The following BRIP1 variants were observed in gnomAD, a reference collection of about 807,000 sequenced individuals.
The protein encoded by BRIP1 is Fanconi anemia group J protein.
A neutral mutation model predicts 119.7 loss-of-function variants in BRIP1; 88 were observed. That is an observed-to-expected ratio of 0.74 (90% CI 0.62 to 0.88). The LOEUF (loss-of-function observed/expected upper bound fraction) is 0.88. BRIP1 is among the 40% of genes least tolerant of loss of function. The pLI is 0.00. For synonymous variants in BRIP1, 443 were observed against 496.5 expected, an observed-to-expected ratio of 0.89 and a Z score of 1.43; for missense variants, 1,259 against 1,455.4, an observed-to-expected ratio of 0.87 and a Z score of 2.20.
At position 61,845,577 on chromosome 17, in the gene BRIP1, A is replaced by G. The variant is rs377408636; in HGVS notation, c.627+1524T>C. Reference sequence around the variant, plus strand: ...TATATACAAATTTTTTAAAATTCTGATTTTCACTTGAAAGCTCAAATTTTA... The same window carrying G: ...TATATACAAATTTTTTAAAATTCTGGTTTTCACTTGAAAGCTCAAATTTTA... On this transcript the variant is annotated intron_variant, in intron 6 of 19. Transcript: ENST00000259008. The surrounding 1 kb of genome is among the most constrained non-coding windows in gnomAD (Gnocchi z 4.2). Among the ~76,000 whole-genome samples the G allele has an allele frequency of 2.0e-5, 3 of 152,156 alleles. No individual in the cohort carries two copies. The East Asian group carries it at 5.8e-4, about 29-fold the overall frequency.
intron 6 of BRIP1, among the ~76,000 whole-genome samples, chr17:61,833,630 C>G (rs1326840232): frequency 6.7e-6 from 1 of 149,754 alleles, no homozygotes; most frequent in East Asian, 2.0e-4. Flanking sequence ...AAAACTGCAC[C>G]ACTGCACTCC....
chr17:61,817,489 T>C (rs1044564130), intron 6 of BRIP1, among the ~76,000 whole-genome samples: 2 of 152,178 alleles, frequency 1.3e-5, no homozygotes, highest in African/African-American at 4.8e-5. Context: ...ACAAAACATA[T>C]GACATAGAGA....
rs1402710731 is a variant in BRIP1 at position 61,738,915 on chromosome 17, TC to T, written c.2379+4097del. The T allele has an allele frequency of 2.0e-5, 3 of 152,664 alleles. No homozygotes were observed. Among genetic ancestry groups the T allele is most frequent in the African/African-American group, 7.2e-5 (3 of 41,484 alleles). The allele number at this position is 152,664 out of a possible 1,614,324, so 9.5% of individuals were successfully genotyped here. ...GTAATCAGAATTATAATCTTGATGA[TC>T]CTTTCAGGCCTTGTTACTTTGTACG... On this transcript the variant is annotated intron_variant, in intron 16 of 19. Coordinates refer to ENST00000259008, the MANE Select transcript of BRIP1 (RefSeq NM_032043.3). The surrounding 1 kb of genome is among the most constrained non-coding windows in gnomAD (Gnocchi z 4.2).
rs777653224 is a variant in BRIP1 at position 61,801,381 on chromosome 17, C to T, written c.1012G>A (p.Glu338Lys). 6.8e-6 allele frequency: 11 copies of T among 1,613,964 alleles called. No homozygotes were observed. Among genetic ancestry groups the T allele is most frequent in the Non-Finnish European group, 9.3e-6 (11 of 1,179,896 alleles). ...FQGMCKAWDI[E>K]ELVSLGKKLK... Reference sequence around the variant, plus strand: ...TTCTTCCCCAGGCTGACAAGTTCTTCTATATCCCAGGCTTTGCACATCCCT... The same window carrying T: ...TTCTTCCCCAGGCTGACAAGTTCTTTTATATCCCAGGCTTTGCACATCCCT... The change falls in exon 8 of 20, where the codon GAA becomes AAA. Residue 338 changes from glutamate (E) to lysine (K), a missense_variant. Physicochemically the swap from Glu to Lys is moderately conservative, Grantham distance 56. Around this residue, in one of 3 missense-constraint regions of BRIP1, gnomAD observed 501 missense variants for 544.0 expected, o/e 0.92. Coordinates refer to ENST00000259008, the MANE Select transcript of BRIP1 (RefSeq NM_032043.3).
intron 3 of BRIP1, among the ~76,000 whole-genome samples, chr17:61,858,751 A>T (rs1304720337): frequency 1.3e-5 from 2 of 152,232 alleles, no homozygotes; most frequent in African/African-American, 4.8e-5. Flanking sequence ...ATACATACAT[A>T]CACATACCAT....
chr17:61,729,547 AAAG>A lies in BRIP1; in HGVS notation c.2379+13463_2379+13465del, dbSNP rs1328918714. 6.6e-6 allele frequency among the ~76,000 whole-genome samples: 1 copy of A among 152,152 alleles called. No individual in the cohort carries two copies. Among genetic ancestry groups the A allele is most frequent in the Non-Finnish European group, 1.5e-5 (1 of 68,024 alleles). ...GAGGTAAATACCAGATAAAATAGCT[AAAG>A]AAGTGAAAGTCACTGCCTGTCAGAA... On this transcript the variant is annotated intron_variant, in intron 16 of 19. Coordinates refer to ENST00000259008, the MANE Select transcript of BRIP1 (RefSeq NM_032043.3). This position sits in a 1 kb window ranked among gnomAD's most constrained non-coding sequence, Gnocchi z 5.6.
chr17:61,694,545 G>A (rs953741154), intron 17 of BRIP1, among the ~76,000 whole-genome samples: 6 of 151,964 alleles, frequency 3.9e-5, no homozygotes, highest in Non-Finnish European at 7.4e-5. Context: ...ACCTAGAAGT[G>A]GAATTGGGGA....
intron 14 of BRIP1, among the ~76,000 whole-genome samples, chr17:61,765,404 TA>T (rs1567798892): frequency 1.9e-3 from 31 of 16,288 alleles, no homozygotes; most frequent in Non-Finnish European, 2.6e-3. Context: ...TATATATATA[TA>T]TATATATATA....
chr17:61,772,547 A>G (rs1252981998), intron 14 of BRIP1, among the ~76,000 whole-genome samples: 1 of 152,080 alleles, frequency 6.6e-6, no homozygotes, highest in African/African-American at 2.4e-5. Flanking sequence ...GGCCGAACGC[A>G]GTGGCTCACG....
At chr17:61,819,781 A>G (rs565510229) in intron 6 of BRIP1, among the ~76,000 whole-genome samples, 1 of 152,316 alleles carries the variant, frequency 6.6e-6, no homozygotes, top group South Asian at 2.1e-4. Context: ...GGAACAAAAA[A>G]GTAGTTAGAA....
In BRIP1 at chr17:61,816,808, G is replaced by A. The variant is rs552030124; in HGVS notation, c.628-8051C>T. Among the ~76,000 whole-genome samples the A allele has an allele frequency of 7.0e-4, 106 of 152,164 alleles. No individual in the cohort carries two copies. Among genetic ancestry groups the A allele is most frequent in the African/African-American group, 2.0e-3 (81 of 41,516 alleles). ...AAAATGGGGAAGTGGGCGGGTAGGC[G>A]GAAAATATCTTCTTTAAATAAGAAT... On this transcript the variant is annotated intron_variant, in intron 6 of 19. Coordinates refer to ENST00000259008, the MANE Select transcript of BRIP1 (RefSeq NM_032043.3). The surrounding 1 kb of genome is among the most constrained non-coding windows in gnomAD (Gnocchi z 5.0).
At chr17:61,855,153 G>C (rs916416883) in intron 4 of BRIP1, among the ~76,000 whole-genome samples, 4 of 151,946 alleles carry the variant, frequency 2.6e-5, no homozygotes, top group African/African-American at 9.7e-5. Flanking sequence ...AAAAGTCCAT[G>C]AGAAAACTTT....
In BRIP1 at chr17:61,775,576, G is replaced by C. The variant is rs1322370008; in HGVS notation, c.2097+825C>G. On this transcript the variant is annotated intron_variant, in intron 14 of 19. Coordinates refer to ENST00000259008, the MANE Select transcript of BRIP1 (RefSeq NM_032043.3). This position sits in a 1 kb window ranked among gnomAD's most constrained non-coding sequence, Gnocchi z 4.4. ...GAATTATAAGTGGTTTCAATGCTTT[G>C]AATGTTAGGAGGACCAAAATATACT... is the stretch of plus-strand genomic sequence containing the variant. Among the ~76,000 whole-genome samples, 1 of 152,102 alleles carries C rather than the reference G, an allele frequency of 6.6e-6. No homozygotes were observed. Among genetic ancestry groups the C allele is most frequent in the South Asian group, 2.1e-4 (1 of 4,832 alleles).
rs886261153 is a variant in BRIP1 at position 61,691,888 on chromosome 17, G to A, written c.2575+1542C>T. 2.6e-5 allele frequency among the ~76,000 whole-genome samples: 4 copies of A among 152,208 alleles called. No homozygotes were observed. Among genetic ancestry groups the A allele is most frequent in the African/African-American group, 9.6e-5 (4 of 41,462 alleles). On this transcript the variant is annotated intron_variant, in intron 18 of 19. Coordinates refer to ENST00000259008, the MANE Select transcript of BRIP1 (RefSeq NM_032043.3). The surrounding 1 kb of genome is among the most constrained non-coding windows in gnomAD (Gnocchi z 5.0). ...ACAGCTGTAGTAGTCAAAAAAGTAT[G>A]GTACTGGCATAAAGAGAACCATATA...
At chr17:61,849,069 T>C (rs1011888382) in intron 5 of BRIP1, 60 bp downstream of exon 5, 3 of 1,582,894 alleles carry the variant, frequency 1.9e-6, no homozygotes, top group African/African-American at 2.7e-5. Flanking sequence ...AACATGATAC[T>C]TGACTACCAT....
rs771153254 is a variant in BRIP1, at chr17:61,798,140, CTCTATTAA to C, written c.1340+952_1340+959del. ...AGAGCAAAAAACTAGAAACAACCTC[CTCTATTAA>C]TCAGAGGCTGGTTAAATAAACTATT... On this transcript the variant is annotated intron_variant, in intron 9 of 19. Coordinates refer to ENST00000259008, the MANE Select transcript of BRIP1 (RefSeq NM_032043.3). The surrounding 1 kb of genome is among the most constrained non-coding windows in gnomAD (Gnocchi z 5.5). 5.9e-5 allele frequency among the ~76,000 whole-genome samples: 9 copies of C among 151,890 alleles called. No homozygotes were observed. Among genetic ancestry groups the C allele is most frequent in the Non-Finnish European group, 1.3e-4 (9 of 67,878 alleles).
chr17:61,747,120 A>C (rs998000627), intron 14 of BRIP1, among the ~76,000 whole-genome samples: 6 of 152,182 alleles, frequency 3.9e-5, no homozygotes, highest in African/African-American at 1.4e-4. Flanking sequence ...GAAAGTTATG[A>C]AATTATCTTG....
rs1043153943 is a variant in BRIP1 at position 61,846,242 on chromosome 17, GAA to G, written c.627+857_627+858del. Among the ~76,000 whole-genome samples the G allele has an allele frequency of 1.6e-3, 192 of 123,580 alleles. 1 individual carries two copies. The highest frequency in any genetic ancestry group is 0.011 in the African/African-American group (186 of 16,400). The allele number at this position is 123,580 out of a possible 152,430, so 81.1% of individuals were successfully genotyped here. A position where few individuals can be genotyped will look rare whatever the true frequency, so the allele number is the denominator to read the frequency against. ...ATATACATATAGAGAGAGAGAGAGA[GAA>G]AAAGAGAGAGAGAGAGAAAGAGAGA... On this transcript the variant is annotated intron_variant, in intron 6 of 19. Coordinates refer to ENST00000259008, the MANE Select transcript of BRIP1 (RefSeq NM_032043.3). The surrounding 1 kb of genome is among the most constrained non-coding windows in gnomAD (Gnocchi z 4.3).
rs2144096184 is a variant in BRIP1, at chr17:61,684,225, A to T, written c.2906-85T>A. On this transcript the variant is annotated intron_variant, in intron 19 of 19. Transcript: ENST00000259008. The surrounding 1 kb of genome is among the most constrained non-coding windows in gnomAD (Gnocchi z 4.5). ...GTTAAAATAATTATTTATTAGAAATACCTAAATAACTGTATAGGATACATA... is the reference window on the plus strand; with the variant it reads ...GTTAAAATAATTATTTATTAGAAATTCCTAAATAACTGTATAGGATACATA... 1 of 1,437,038 alleles carries T rather than the reference A, an allele frequency of 7.0e-7. No individual in the cohort carries two copies. The highest frequency in any genetic ancestry group is 2.4e-5 in the East Asian group (1 of 41,952). The allele number at this position is 1,437,038 out of a possible 1,614,324, so 89.0% of individuals were successfully genotyped here.
Sources: gnomAD v4.1 joint callset for allele counts (sites outside exome capture counted in the v4.1 genomes callset) on GRCh38, gnomAD v4.1.1 for gene constraint, gnomAD v4.1.1 regional missense constraint, Gnocchi (gnomAD v3.1) non-coding constraint, MANE v1.5 for transcripts, NCBI Gene and HGNC (gene_info 2026-07-23, HGNC 2026-07-21) for gene names.